Variants in ADAMTSL3 observed in about 807,000 individuals in gnomAD.
ADAMTSL3 encodes the protein ADAMTS like 3.
Under a neutral mutation model 201.7 loss-of-function variants are expected in ADAMTSL3, and 128 were observed. That is an observed-to-expected ratio of 0.63 (90% confidence interval 0.55 to 0.73). The LOEUF (loss-of-function observed/expected upper bound fraction) is 0.73. Among genes scored for constraint, ADAMTSL3 ranks in the 30% least tolerant of loss-of-function variants. ADAMTSL3 has a pLI of 0.00. For synonymous variants in ADAMTSL3, 738 were observed against 748.4 expected, an observed-to-expected ratio of 0.99 and a Z score of 0.23; for missense variants, 1,990 against 2,119.6, an observed-to-expected ratio of 0.94 and a Z score of 1.20.
At chr15:83,707,290 G>A (rs2061866582) in intron 3 of ADAMTSL3, among the ~76,000 whole-genome samples, 1 of 152,066 alleles carries the variant, frequency 6.6e-6, no homozygotes, top group African/African-American at 2.4e-5. Flanking sequence ...CATAGGGCCT[G>A]GTACATATAA....
chr15:83,882,171 GAAAGAAAAAAGACAGAA>G, intron 9 of ADAMTSL3, among the ~76,000 whole-genome samples: 1 of 151,776 alleles, frequency 6.6e-6, no homozygotes, highest in Non-Finnish European at 1.5e-5. Context: ...AAGAAAGAAA[GAAAGAAAAAAGACAGAA>G]AAAGAAAAAG....
intron 3 of ADAMTSL3, among the ~76,000 whole-genome samples, chr15:83,712,170 C>G (rs559512319): frequency 6.6e-6 from 1 of 152,186 alleles, no homozygotes; most frequent in Non-Finnish European, 1.5e-5. Context: ...TGAAAGAAAG[C>G]AAGTAGACTT....
rs767205512 is a variant in ADAMTSL3, at chr15:83,838,204, C to G, written c.716C>G (p.Ser239Cys). 4 of 1,612,394 alleles carry G rather than the reference C, an allele frequency of 2.5e-6. No individual in the cohort carries two copies. The highest frequency in any genetic ancestry group is 3.4e-6 in the Non-Finnish European group (4 of 1,179,314). Residue 239 changes from serine to cysteine, a missense_variant, in exon 7 of 30, where the codon TCT becomes TGT. By Grantham distance (112) the Ser-to-Cys change is moderately radical. Coordinates refer to ENST00000286744, the MANE Select transcript of ADAMTSL3 (RefSeq NM_207517.3). ...CGGGGACAATCAAAGTCACACGTTTCTCCTGAAAAAAGTAGGTTTTAAACC... is the reference window on the plus strand; with the variant it reads ...CGGGGACAATCAAAGTCACACGTTTGTCCTGAAAAAAGTAGGTTTTAAACC... ...LVRGQSKSHV[S>C]PEKREENVIA...
chr15:83,808,776 C>A (rs2063644515), intron 5 of ADAMTSL3, among the ~76,000 whole-genome samples: 1 of 151,938 alleles, frequency 6.6e-6, no homozygotes, highest in Non-Finnish European at 1.5e-5. Context: ...TATATATACA[C>A]AATGAAATAC....
At chr15:83,828,723 G>T (rs1326992492) in intron 6 of ADAMTSL3, among the ~76,000 whole-genome samples, 8 of 152,122 alleles carry the variant, frequency 5.3e-5, no homozygotes. Context: ...TTTATTGAGA[G>T]TTTTTAGCAT....
chr15:83,713,070 G>A (rs2061953720), intron 3 of ADAMTSL3, among the ~76,000 whole-genome samples: 1 of 152,072 alleles, frequency 6.6e-6, no homozygotes, highest in African/African-American at 2.4e-5. Context: ...TACCCACGTG[G>A]CCTCTTCTAT....
intron 7 of ADAMTSL3, among the ~76,000 whole-genome samples, chr15:83,847,179 G>A (rs762861536): frequency 6.6e-6 from 1 of 152,180 alleles, no homozygotes. Flanking sequence ...GTTTGCAGCC[G>A]ATTGTTCTCA....
intron 11 of ADAMTSL3, 73 bp downstream of exon 11, chr15:83,890,320 T>C: frequency 6.4e-7 from 1 of 1,551,110 alleles, no homozygotes; most frequent in Admixed American, 1.9e-5. Flanking sequence ...TGATCAATCT[T>C]TGCAGGGCAA....
At chr15:83,763,075 G>C (rs1252144377) in intron 3 of ADAMTSL3, among the ~76,000 whole-genome samples, 1 of 152,090 alleles carries the variant, frequency 6.6e-6, no homozygotes, top group African/African-American at 2.4e-5. Context: ...TTTTAGTAGA[G>C]ACGGGGTTTC....
At chr15:83,804,136 C>G (rs2063566013) in intron 4 of ADAMTSL3, among the ~76,000 whole-genome samples, 1 of 137,220 alleles carries the variant, frequency 7.3e-6, no homozygotes, top group Non-Finnish European at 1.6e-5. Flanking sequence ...GAGTGAGACT[C>G]TGTCTCAAAA....
chr15:83,890,563 C>G (rs2065482663), intron 11 of ADAMTSL3, among the ~76,000 whole-genome samples: 1 of 152,230 alleles, frequency 6.6e-6, no homozygotes, highest in African/African-American at 2.4e-5. Flanking sequence ...CTTTCACTCA[C>G]CACTTTAGCT....
intron 3 of ADAMTSL3, among the ~76,000 whole-genome samples, chr15:83,761,856 A>G (rs1470693339): frequency 1.3e-5 from 2 of 152,188 alleles, no homozygotes. Context: ...GATTCTTAGA[A>G]AAGAACAAGC....
At chr15:83,937,026 G>T (rs2066473002) in intron 17 of ADAMTSL3, among the ~76,000 whole-genome samples, 1 of 150,924 alleles carries the variant, frequency 6.6e-6, no homozygotes, top group Non-Finnish European at 1.5e-5. Context: ...TGCTGGTGAG[G>T]TTGCAGAGAA....
intron 2 of ADAMTSL3, among the ~76,000 whole-genome samples, chr15:83,700,329 T>C (rs1596050912): frequency 2.6e-5 from 4 of 152,158 alleles, no homozygotes; most frequent in African/African-American, 7.2e-5. Flanking sequence ...CTTTTGCACT[T>C]GTTCTTTTTT....
At chr15:83,717,308 A>G (rs2062033035) in intron 3 of ADAMTSL3, 1 of 152,212 alleles carries the variant, frequency 6.6e-6, no homozygotes, top group Non-Finnish European at 1.5e-5. Context: ...AGAGAAGAGG[A>G]GCTTTTTCTT....
chr15:84,013,553 C>T (rs995086620), intron 23 of ADAMTSL3, among the ~76,000 whole-genome samples: 7 of 152,076 alleles, frequency 4.6e-5, no homozygotes, highest in Admixed American at 6.5e-5. Flanking sequence ...GGCGGGGGAT[C>T]GCTTGAGCCC....
At chr15:83,741,822 C>T (rs2062459759) in intron 3 of ADAMTSL3, among the ~76,000 whole-genome samples, 1 of 152,040 alleles carries the variant, frequency 6.6e-6, no homozygotes, top group Admixed American at 6.6e-5. Context: ...CATAGCTAGA[C>T]CCCTTATCTA....
intron 20 of ADAMTSL3, among the ~76,000 whole-genome samples, chr15:83,978,635 A>G (rs1253651079): frequency 2.0e-5 from 3 of 152,210 alleles, no homozygotes. Flanking sequence ...AGGAACTCAC[A>G]GGAGCCCCAA....
At chr15:83,674,789 A>ATATATATATATAT (rs1283432862) in intron 2 of ADAMTSL3, among the ~76,000 whole-genome samples, 18 of 134,302 alleles carry the variant, frequency 1.3e-4, no homozygotes, top group South Asian at 4.9e-4. Context: ...ATATATATAT[A>ATATATATATATAT]AATCTTGCTG....
Sources: allele counts gnomAD v4.1 joint callset (sites outside exome capture counted in the v4.1 genomes callset), GRCh38; gene constraint gnomAD v4.1.1; transcripts MANE v1.5; gene names NCBI Gene and HGNC (gene_info 2026-07-23, HGNC 2026-07-21).